The following MEIG1 variants were observed in gnomAD, a reference collection of about 807,000 sequenced individuals.
The protein encoded by MEIG1 is meiosis expressed gene 1 protein homolog.
In MEIG1, 12 loss-of-function variants were observed where a neutral mutation model predicts 11.3. That is an observed-to-expected ratio of 1.07 (90% CI 0.68 to 1.73). MEIG1 has a LOEUF of 1.73. Ranked by LOEUF, MEIG1 falls within the 40% of genes most tolerant of loss-of-function variation. The probability of loss-of-function intolerance (pLI) is 0.00; values close to 1 mark genes in which losing one functional copy is unlikely to be tolerated. For synonymous variants in MEIG1, 41 were observed against 33.2 expected, an observed-to-expected ratio of 1.24 and a Z score of -0.81; for missense variants, 119 against 104.9, an observed-to-expected ratio of 1.13 and a Z score of -0.59.
At chr10:14,961,710 C>A (rs936382355) in intron 1 of MEIG1, among the ~76,000 whole-genome samples, 36 of 144,732 alleles carry the variant, frequency 2.5e-4, no homozygotes, top group African/African-American at 8.9e-4. Context: ...GAACCCTTGA[C>A]CTCAGGTGAT....
chr10:14,985,595 G>A (rs144821866), intron 1 of MEIG1, among the ~76,000 whole-genome samples: 87 of 152,044 alleles, frequency 5.7e-4, no homozygotes, highest in African/African-American at 1.9e-3. Flanking sequence ...GGGGTGAGGC[G>A]GTGTACATCG....
At chr10:14,967,245 G>A (rs1161715393) in intron 2 of MEIG1, among the ~76,000 whole-genome samples, 2 of 152,108 alleles carry the variant, frequency 1.3e-5, no homozygotes, top group Admixed American at 1.3e-4. Context: ...AGTATGTTGG[G>A]TAACTATTAT....
chr10:14,978,256 T>C (rs180810865), intron 1 of MEIG1, among the ~76,000 whole-genome samples: 1 of 152,074 alleles, frequency 6.6e-6, no homozygotes, highest in East Asian at 1.9e-4. Flanking sequence ...ATATATTACT[T>C]CAAATATCAC....
downstream of MEIG1, among the ~76,000 whole-genome samples, chr10:14,973,769 CAAA>C (rs59507280): frequency 1.8e-3 from 166 of 90,458 alleles, 4 homozygotes; most frequent in Admixed American, 5.7e-3. Flanking sequence ...GACTCCATCT[CAAA>C]AAAAAAAAAA....
At chr10:14,980,073 C>A (rs1431369751) in intron 1 of MEIG1, among the ~76,000 whole-genome samples, 1 of 151,922 alleles carries the variant, frequency 6.6e-6, no homozygotes, top group Non-Finnish European at 1.5e-5. Flanking sequence ...TCACAATCTA[C>A]TAGCTGGATA....
chr10:14,957,764 G>C (rs186885813), upstream of MEIG1, among the ~76,000 whole-genome samples: 2 of 152,266 alleles, frequency 1.3e-5, no homozygotes, highest in Admixed American at 6.5e-5. Flanking sequence ...TCCTGCCTCA[G>C]CCTCCCGAGT....
At chr10:14,973,373 C>T (rs2131275784), downstream of MEIG1, among the ~76,000 whole-genome samples, 1 of 152,204 alleles carries the variant, frequency 6.6e-6, no homozygotes, top group South Asian at 2.1e-4. Flanking sequence ...TTCTCTTGCC[C>T]CTGGAGTCCT....
upstream of MEIG1, among the ~76,000 whole-genome samples, chr10:14,956,726 C>G (rs12414513): frequency 0.094 from 14,236 of 152,204 alleles, 1,376 homozygotes; most frequent in East Asian, 0.28. Flanking sequence ...TACTGTGTAT[C>G]AGACACTATT....
At chr10:14,984,004 C>G (rs1248139752) in intron 1 of MEIG1, among the ~76,000 whole-genome samples, 4 of 151,974 alleles carry the variant, frequency 2.6e-5, no homozygotes, top group African/African-American at 9.7e-5. Context: ...TAAACACTCC[C>G]GAGATATTGT....
At chr10:14,976,396 T>C (rs111245467), downstream of MEIG1, among the ~76,000 whole-genome samples, 77 of 151,632 alleles carry the variant, frequency 5.1e-4, no homozygotes, top group South Asian at 5.9e-3. Flanking sequence ...AATGTGTGTA[T>C]ACCTTGTGGT....
chr10:14,979,653 G>T (rs1015210464), intron 1 of MEIG1, among the ~76,000 whole-genome samples: 11 of 151,990 alleles, frequency 7.2e-5, no homozygotes, highest in South Asian at 2.1e-4. Context: ...GTCACATGGG[G>T]TGTACACCCT....
chr10:14,974,827 TTAA>T (rs959308876), downstream of MEIG1, among the ~76,000 whole-genome samples: 4 of 152,024 alleles, frequency 2.6e-5, no homozygotes, highest in African/African-American at 9.6e-5. Flanking sequence ...AATATTAATA[TTAA>T]TAATCTGAAC....
chr10:14,960,491 T>G (rs1842999849), intron 1 of MEIG1, among the ~76,000 whole-genome samples: 1 of 152,026 alleles, frequency 6.6e-6, no homozygotes, highest in Non-Finnish European at 1.5e-5. Context: ...GGATCTCGGC[T>G]CACTGCAAGC....
intron 1 of MEIG1, among the ~76,000 whole-genome samples, chr10:14,980,404 C>T (rs12219384): frequency 0.11 from 16,089 of 152,076 alleles, 1,299 homozygotes; most frequent in East Asian, 0.3. Flanking sequence ...GATGTTACTC[C>T]TAATGTCACA....
downstream of MEIG1, among the ~76,000 whole-genome samples, chr10:14,977,298 C>T (rs1589213998): frequency 1.3e-5 from 2 of 151,978 alleles, no homozygotes; most frequent in East Asian, 3.8e-4. Context: ...TCTTACTCTT[C>T]TAGGGTGATG....
At chr10:14,965,360 A>T (rs542070001) in intron 1 of MEIG1, among the ~76,000 whole-genome samples, 21 of 152,310 alleles carry the variant, frequency 1.4e-4, no homozygotes, top group Non-Finnish European at 2.6e-4. Context: ...AAAACTTGCT[A>T]TGGAAGTTCG....
intron 1 of MEIG1, among the ~76,000 whole-genome samples, chr10:14,962,682 A>G (rs1843028081): frequency 6.6e-6 from 1 of 152,258 alleles, no homozygotes; most frequent in African/African-American, 2.4e-5. Flanking sequence ...TTAAGATTGT[A>G]TCACTACATG....
chr10:14,969,108 T>C (rs1843121088), intron 2 of MEIG1, among the ~76,000 whole-genome samples: 1 of 151,986 alleles, frequency 6.6e-6, no homozygotes, highest in Non-Finnish European at 1.5e-5. Context: ...ATAAGTTTCA[T>C]ACCCTGCCTT....
rs4295952 is a variant in MEIG1 at position 14,972,703 on chromosome 10, A to G, written c.*62A>G. 937,367 of 1,393,224 alleles carry G rather than the reference A, an allele frequency of 0.67. 317,275 individuals carry two copies. The highest frequency in any genetic ancestry group is 0.7 in the Admixed American group (26,860 of 38,292). 86.3% of individuals were successfully genotyped at this position (1,393,224 alleles called of 1,614,324 possible). ...AGTATTCATCATTTCCTTCTACATC[A>G]TGTGTTTGTCATTTGATGAAATAAT... is the stretch of plus-strand genomic sequence containing the variant. On this transcript the variant is annotated 3_prime_UTR_variant, in exon 3 of 3. Coordinates refer to ENST00000407572, the MANE Select transcript of MEIG1 (RefSeq NM_001080836.3).
Sources: allele counts gnomAD v4.1 joint callset (sites outside exome capture counted in the v4.1 genomes callset), GRCh38; gene constraint gnomAD v4.1.1; transcripts MANE v1.5; gene names NCBI Gene and HGNC (gene_info 2026-07-23, HGNC 2026-07-21).